POU6F2: variants seen among roughly 807,000 people sequenced by gnomAD.
POU6F2 encodes the protein POU class 6 homeobox 2, also known as POU domain, class 6, transcription factor 2.
Under a neutral mutation model 71.3 loss-of-function variants are expected in POU6F2, and 31 were observed. The observed-to-expected ratio is 0.43, with a 90% confidence interval of 0.33 to 0.59. The LOEUF (loss-of-function observed/expected upper bound fraction) is 0.59, where lower values mean the gene tolerates loss of function less well. Among genes scored for constraint, POU6F2 ranks in the 20% least tolerant of loss-of-function variants. The pLI, the probability that POU6F2 is intolerant of heterozygous loss-of-function variation, is 0.04. For synonymous variants in POU6F2, 347 were observed against 355.7 expected (o/e 0.98, Z 0.27); for missense variants, 783 against 856.8 (o/e 0.91, Z 1.07).
chr7:39,109,083 T>C (rs1791751172), intron 2 of POU6F2, among the ~76,000 whole-genome samples: 1 of 152,190 alleles, frequency 6.6e-6, no homozygotes, highest in Non-Finnish European at 1.5e-5. Context: ...TCTCACTCTG[T>C]CACACAGGTT....
At chr7:39,112,599 C>T (rs1051530082) in intron 2 of POU6F2, among the ~76,000 whole-genome samples, 4 of 151,914 alleles carry the variant, frequency 2.6e-5, no homozygotes, top group Non-Finnish European at 4.4e-5. Context: ...AAATTGCTTA[C>T]AGCATAAGAA....
chr7:39,211,543 G>A (rs1794143117), intron 4 of POU6F2, among the ~76,000 whole-genome samples: 1 of 152,206 alleles, frequency 6.6e-6, no homozygotes. Context: ...AAACCTGTAT[G>A]TGTGGCCTGG....
At chr7:39,253,590 A>G (rs562349536) in intron 4 of POU6F2, among the ~76,000 whole-genome samples, 1 of 152,202 alleles carries the variant, frequency 6.6e-6, no homozygotes, top group African/African-American at 2.4e-5. Context: ...ACAACAGCTG[A>G]TCACTGCTGC....
At chr7:39,240,228 C>T (rs1562759318) in intron 4 of POU6F2, among the ~76,000 whole-genome samples, 1 of 151,934 alleles carries the variant, frequency 6.6e-6, no homozygotes. Flanking sequence ...TACCCCAAAT[C>T]GGGACAAGGA....
At chr7:39,418,935 A>G (rs1282735539) in intron 6 of POU6F2, among the ~76,000 whole-genome samples, 1 of 139,422 alleles carries the variant, frequency 7.2e-6, no homozygotes, top group Non-Finnish European at 1.5e-5. Flanking sequence ...ATATGTATAT[A>G]TGTGTATATA....
At chr7:39,308,762 G>T (rs1007946777) in intron 4 of POU6F2, among the ~76,000 whole-genome samples, 3 of 152,182 alleles carry the variant, frequency 2.0e-5, no homozygotes, top group Admixed American at 1.3e-4. Flanking sequence ...CAGGGCTGAG[G>T]CACGGCAGGA....
At position 39,129,450 on chromosome 7, in the gene POU6F2, C is replaced by G. The variant is rs145152126; in HGVS notation, c.277+43419C>G. Among the ~76,000 whole-genome samples the G allele has an allele frequency of 3.0e-3, 456 of 152,248 alleles. 1 individual carries two copies. Among genetic ancestry groups the G allele is most frequent in the African/African-American group, 0.01 (432 of 41,540 alleles). The stretch of plus-strand genomic sequence containing the variant: ...TATAACTGATTCCTCTCTTCTCACA[C>G]CCTCCCAAAGCTTTGCCCTCAGCTT... On this transcript the variant is annotated intron_variant, in intron 2 of 9. Transcript: ENST00000518318.
At chr7:39,323,108 A>AT (rs1011811050) in intron 4 of POU6F2, among the ~76,000 whole-genome samples, 3 of 148,468 alleles carry the variant, frequency 2.0e-5, no homozygotes, top group African/African-American at 2.5e-5. Flanking sequence ...AGACAGGAAG[A>AT]TTTAAAAAAA....
intron 2 of POU6F2, among the ~76,000 whole-genome samples, chr7:39,170,453 A>G (rs1793196675): frequency 1.3e-5 from 2 of 152,126 alleles, no homozygotes; most frequent in South Asian, 4.1e-4. Context: ...ACAACTAAAA[A>G]TTTCCCAATT....
intron 7 of POU6F2, among the ~76,000 whole-genome samples, chr7:39,440,428 C>T (rs1788372011): frequency 6.6e-6 from 1 of 152,122 alleles, no homozygotes; most frequent in Non-Finnish European, 1.5e-5. Context: ...CTTATTTCAG[C>T]AAGATGGTCT....
At chr7:39,260,399 CACAG>C (rs1415864149) in intron 4 of POU6F2, among the ~76,000 whole-genome samples, 3 of 151,550 alleles carry the variant, frequency 2.0e-5, no homozygotes, top group Non-Finnish European at 4.4e-5. Context: ...ACACCACACA[CACAG>C]ACACCACACA....
rs1792943500 is a variant in POU6F2 at position 39,159,460 on chromosome 7, A to G, written c.278-44775A>G. ...TAACCCAGTCAGAAGTTATTGTCCAAAGACTTACACTTTTATAGCTTTGAC... is the reference window on the plus strand; with the variant it reads ...TAACCCAGTCAGAAGTTATTGTCCAGAGACTTACACTTTTATAGCTTTGAC... On this transcript the variant is annotated intron_variant, in intron 2 of 9. Coordinates refer to ENST00000518318, the MANE Select transcript of POU6F2 (RefSeq NM_001370959.1). Among the ~76,000 whole-genome samples the G allele has an allele frequency of 3.9e-5, 6 of 152,292 alleles. No homozygotes were observed. In the South Asian group the frequency reaches 1.2e-3, roughly 32 times the overall value.
chr7:39,213,667 A>G (rs1161911514), intron 4 of POU6F2, among the ~76,000 whole-genome samples: 1 of 152,106 alleles, frequency 6.6e-6, no homozygotes, highest in Non-Finnish European at 1.5e-5. Flanking sequence ...CATTCGGCAT[A>G]ATGTTTTTGA....
intron 2 of POU6F2, among the ~76,000 whole-genome samples, chr7:39,135,966 A>G (rs546284702): frequency 1.3e-5 from 2 of 152,354 alleles, no homozygotes; most frequent in South Asian, 4.1e-4. Flanking sequence ...AGAACCAATG[A>G]CATTTCTATA....
intron 4 of POU6F2, among the ~76,000 whole-genome samples, chr7:39,337,020 G>T (rs1053338658): frequency 6.6e-6 from 1 of 152,080 alleles, no homozygotes; most frequent in East Asian, 1.9e-4. Context: ...ATACAATTCT[G>T]CTACCTCTGA....
chr7:39,221,905 C>A (rs181007434), intron 4 of POU6F2, among the ~76,000 whole-genome samples: 1 of 152,064 alleles, frequency 6.6e-6, no homozygotes, highest in African/African-American at 2.4e-5. Context: ...AAATAAAAAA[C>A]ATTAAAACGT....
intron 2 of POU6F2, among the ~76,000 whole-genome samples, chr7:39,153,189 T>TTATA (rs151065351): frequency 9.3e-5 from 14 of 151,084 alleles, no homozygotes; most frequent in African/African-American, 2.4e-4. Flanking sequence ...AGAAAAGATT[T>TTATA]TATATATATA....
intron 2 of POU6F2, among the ~76,000 whole-genome samples, chr7:39,161,135 A>G (rs1262221985): frequency 6.6e-6 from 1 of 152,078 alleles, no homozygotes; most frequent in African/African-American, 2.4e-5. Flanking sequence ...ATCTATTCTA[A>G]TCATCACCCA....
At chr7:39,015,264 G>C (rs1165385801) in intron 1 of POU6F2, among the ~76,000 whole-genome samples, 1 of 137,744 alleles carries the variant, frequency 7.3e-6, no homozygotes, top group African/African-American at 2.8e-5. Flanking sequence ...ATTATATCTA[G>C]AGATATGGTA....
Sources: gnomAD v4.1 joint callset for allele counts (sites outside exome capture counted in the v4.1 genomes callset) on GRCh38, gnomAD v4.1.1 for gene constraint, MANE v1.5 for transcripts, NCBI Gene and HGNC (gene_info 2026-07-23, HGNC 2026-07-21) for gene names.